Variants in MAPRE2 observed in about 807,000 individuals in gnomAD.
MAPRE2 encodes the protein microtubule associated protein RP/EB family member 2.
A neutral mutation model predicts 43.2 loss-of-function variants in MAPRE2; 13 were observed. The observed-to-expected ratio is 0.30, with a 90% CI of 0.20 to 0.48. The LOEUF (loss-of-function observed/expected upper bound fraction) is 0.48. MAPRE2 is among the 20% of genes least tolerant of loss of function. The probability of loss-of-function intolerance (pLI) is 0.99; values close to 1 mark genes in which losing one functional copy is unlikely to be tolerated. For missense variants in MAPRE2, 161 were observed against 400.2 expected (o/e 0.40, Z 5.10); for synonymous variants, 135 against 148.8 (o/e 0.91, Z 0.68).
At chr18:35,041,335 A>AG (rs1603392940), upstream of MAPRE2, 13 of 1,432,390 alleles carry the variant, frequency 9.1e-6, no homozygotes, top group East Asian at 3.3e-4. Context: ...CCACGTGACC[A>AG]GGGTGCTGCT....
At chr18:35,048,552 C>A (rs1020951814) in intron 1 of MAPRE2, among the ~76,000 whole-genome samples, 1 of 149,696 alleles carries the variant, frequency 6.7e-6, no homozygotes, top group Non-Finnish European at 1.5e-5. Context: ...ACTATATTCA[C>A]ACATATATAG....
chr18:35,085,669 G>A (rs1296966213), intron 2 of MAPRE2, among the ~76,000 whole-genome samples: 1 of 152,200 alleles, frequency 6.6e-6, no homozygotes, highest in Non-Finnish European at 1.5e-5. Flanking sequence ...ATATGAAGAT[G>A]AGCATCATTG....
intron 2 of MAPRE2, among the ~76,000 whole-genome samples, chr18:35,026,244 G>A (rs1368444693): frequency 3.3e-5 from 5 of 152,124 alleles, no homozygotes; most frequent in Admixed American, 6.5e-5. Flanking sequence ...TGGGTAGAGA[G>A]GGAAAAACAT....
chr18:35,072,081 C>G (rs1035284906), intron 2 of MAPRE2, among the ~76,000 whole-genome samples: 9 of 152,324 alleles, frequency 5.9e-5, no homozygotes, highest in African/African-American at 2.2e-4. Context: ...TGTATTGCAG[C>G]TTATGCAACT....
intron 1 of MAPRE2, among the ~76,000 whole-genome samples, chr18:35,065,033 G>A (rs898880100): frequency 6.6e-6 from 1 of 152,150 alleles, no homozygotes; most frequent in African/African-American, 2.4e-5. Context: ...GGTGGCTCAC[G>A]CCTGTAATCC....
At chr18:35,139,845 C>G (rs1910547060) in intron 6 of MAPRE2, among the ~76,000 whole-genome samples, 1 of 152,176 alleles carries the variant, frequency 6.6e-6, no homozygotes, top group African/African-American at 2.4e-5. Flanking sequence ...AGCAAAAGCC[C>G]ACATCCCTAT....
rs772885459 is a variant in MAPRE2 at position 35,132,145 on chromosome 18, C to T, written c.864C>T (p.Asp288=). ...AAGAACACGGGCAGGAAAATGATGA[C>T]CTCGTGCAGAGACTAATGGACATCC... is the stretch of plus-strand genomic sequence containing the variant. ...LCQEHGQEND[D]LVQRLMDILY... is the part of the protein sequence containing the mutation. The change falls in exon 6 of 7, where the codon GAC becomes GAT. Residue 288 remains aspartate, a synonymous_variant. Coordinates refer to ENST00000300249, the MANE Select transcript of MAPRE2 (RefSeq NM_014268.4). 1 of 1,614,168 alleles carries T rather than the reference C, an allele frequency of 6.2e-7. No individual in the cohort carries two copies. The highest frequency in any genetic ancestry group is 8.5e-7 in the Non-Finnish European group (1 of 1,180,012).
intron 2 of MAPRE2, among the ~76,000 whole-genome samples, chr18:35,034,774 C>T (rs1415088160): frequency 6.6e-6 from 1 of 152,262 alleles, no homozygotes; most frequent in Non-Finnish European, 1.5e-5. Flanking sequence ...CTCACCATCA[C>T]TGGCCATCAC....
At chr18:35,091,313 G>T (rs965716015) in intron 2 of MAPRE2, among the ~76,000 whole-genome samples, 2 of 152,144 alleles carry the variant, frequency 1.3e-5, no homozygotes, top group African/African-American at 4.8e-5. Flanking sequence ...TACCTTCAGG[G>T]TATGTGTATA....
chr18:35,018,777 G>C (rs1037607917), intron 2 of MAPRE2, among the ~76,000 whole-genome samples: 2 of 151,552 alleles, frequency 1.3e-5, no homozygotes, highest in African/African-American at 4.8e-5. Context: ...ATCACCTTTA[G>C]GTTTCACTGA....
At chr18:34,998,450 C>G (rs1279046944) in intron 1 of MAPRE2, among the ~76,000 whole-genome samples, 6 of 151,782 alleles carry the variant, frequency 4.0e-5, no homozygotes, top group African/African-American at 1.5e-4. Flanking sequence ...CCTCAGCCTC[C>G]CAAGTAGCTG....
intron 1 of MAPRE2, among the ~76,000 whole-genome samples, chr18:34,982,969 A>T (rs1342231752): frequency 6.6e-6 from 1 of 152,210 alleles, no homozygotes; most frequent in Non-Finnish European, 1.5e-5. Context: ...GACTGCAGCC[A>T]TACTTGTTTG....
chr18:35,037,587 C>T (rs1034467658), upstream of MAPRE2, among the ~76,000 whole-genome samples: 1 of 152,160 alleles, frequency 6.6e-6, no homozygotes, highest in African/African-American at 2.4e-5. Flanking sequence ...CCAGCACATG[C>T]TTTATTTTAG....
chr18:35,130,689 A>G (rs1910107079), intron 5 of MAPRE2, among the ~76,000 whole-genome samples: 1 of 152,196 alleles, frequency 6.6e-6, no homozygotes, highest in Non-Finnish European at 1.5e-5. Context: ...TTAATTTACC[A>G]CCTGAAGCAT....
At chr18:35,016,840 G>T (rs536549974) in intron 2 of MAPRE2, among the ~76,000 whole-genome samples, 28 of 151,866 alleles carry the variant, frequency 1.8e-4, no homozygotes, top group African/African-American at 6.8e-4. Flanking sequence ...TGTTTTTGTT[G>T]CATTTGACTT....
At chr18:35,033,302 AAATT>A (rs2097048726) in intron 2 of MAPRE2, among the ~76,000 whole-genome samples, 1 of 152,164 alleles carries the variant, frequency 6.6e-6, no homozygotes, top group Non-Finnish European at 1.5e-5. Flanking sequence ...GCCTTTGACA[AAATT>A]CAACAACCTT....
At position 35,132,020 on chromosome 18, in the gene MAPRE2, A is replaced by G. The variant is rs772312978; in HGVS notation, c.751-12A>G. 1 of 1,612,108 alleles carries G rather than the reference A, an allele frequency of 6.2e-7. No individual in the cohort carries two copies. Among genetic ancestry groups the G allele is most frequent in the Non-Finnish European group, 8.5e-7 (1 of 1,179,432 alleles). ...TGGGTGGTTTTTTTTCTTCACTCTCACTCCCTTGCAGGTACATTCATTAAA... is the reference window on the plus strand; with the variant it reads ...TGGGTGGTTTTTTTTCTTCACTCTCGCTCCCTTGCAGGTACATTCATTAAA... On this transcript the variant is annotated splice_polypyrimidine_tract_variant and intron_variant, in intron 5 of 6. Transcript: ENST00000300249.
At chr18:35,136,367 A>G (rs967285805) in intron 6 of MAPRE2, among the ~76,000 whole-genome samples, 4 of 152,154 alleles carry the variant, frequency 2.6e-5, no homozygotes, top group Non-Finnish European at 5.9e-5. Context: ...AGTGCTGGCT[A>G]TAGAAAAAGA....
At chr18:35,055,074 CA>C (rs1303510859) in intron 1 of MAPRE2, among the ~76,000 whole-genome samples, 5 of 152,124 alleles carry the variant, frequency 3.3e-5, no homozygotes, top group Non-Finnish European at 7.4e-5. Flanking sequence ...ACAAATGTAC[CA>C]ATGTTAACAG....
Sources: gnomAD v4.1 joint callset for allele counts (sites outside exome capture counted in the v4.1 genomes callset) on GRCh38, gnomAD v4.1.1 for gene constraint, MANE v1.5 for transcripts, NCBI Gene and HGNC (gene_info 2026-07-23, HGNC 2026-07-21) for gene names.